CRADD: variants seen among roughly 807,000 people sequenced by gnomAD.
CRADD encodes the protein CARD and death domain containing adaptor protein, also known as death domain-containing protein CRADD.
CRADD carries 9 observed loss-of-function variants against 15.5 expected under a neutral mutation model. The ratio of observed to expected loss-of-function variants is 0.58; its 90% CI spans 0.35 to 1.01. CRADD has a LOEUF of 1.01. Ranked by LOEUF, CRADD falls within the 50% of genes least tolerant of loss-of-function variation. CRADD has a pLI of 0.02. For missense variants in CRADD, 227 were observed against 250.3 expected (o/e 0.91, Z 0.63); for synonymous variants, 118 against 107.6 (o/e 1.10, Z -0.60).
intron 2 of CRADD, among the ~76,000 whole-genome samples, chr12:93,783,594 C>A (rs1957236758): frequency 6.6e-6 from 1 of 152,148 alleles, no homozygotes; most frequent in Admixed American, 6.5e-5. Context: ...AAATGTGTGG[C>A]AACTTTCTTC....
intron 2 of CRADD, among the ~76,000 whole-genome samples, chr12:93,683,296 G>C (rs567289245): frequency 6.6e-6 from 1 of 152,364 alleles, no homozygotes; most frequent in South Asian, 2.1e-4. Context: ...GGGTCTGGGT[G>C]TCTGCCATGA....
At chr12:93,813,188 T>TTA (rs1565923894) in intron 2 of CRADD, among the ~76,000 whole-genome samples, 1 of 152,208 alleles carries the variant, frequency 6.6e-6, no homozygotes, top group Non-Finnish European at 1.5e-5. Context: ...AATTGCATTG[T>TTA]CAGAGTCCCT....
In CRADD at chr12:93,715,639, A is replaced by T. The variant is rs570946265; in HGVS notation, c.298+36567A>T. ...AATAAATAAATAGAAATTTAAAAAA[A>T]TTTTTTTCATCTTTAGCATTAATGG... On this transcript the variant is annotated intron_variant, in intron 2 of 2. Coordinates refer to ENST00000332896, the MANE Select transcript of CRADD (RefSeq NM_003805.5). Among the ~76,000 whole-genome samples the T allele has an allele frequency of 7.4e-4, 112 of 152,262 alleles. 1 individual carries two copies. Among genetic ancestry groups the T allele is most frequent in the African/African-American group, 2.4e-3 (101 of 41,546 alleles).
chr12:93,747,994 A>T (rs933084516), intron 2 of CRADD, among the ~76,000 whole-genome samples: 2 of 151,900 alleles, frequency 1.3e-5, no homozygotes, highest in East Asian at 1.9e-4. Context: ...TGGAGAAAAA[A>T]ATATATATAT....
At chr12:93,811,761 A>C (rs1017578150) in intron 2 of CRADD, among the ~76,000 whole-genome samples, 3 of 152,210 alleles carry the variant, frequency 2.0e-5, no homozygotes, top group Admixed American at 2.0e-4. Context: ...CTCTTACCAT[A>C]TGATCCAGCA....
chr12:93,750,371 C>T (rs1592958986), intron 2 of CRADD, among the ~76,000 whole-genome samples: 1 of 152,164 alleles, frequency 6.6e-6, no homozygotes, highest in Non-Finnish European at 1.5e-5. Context: ...ACCTAAGGCT[C>T]ATCTGATTCT....
intron 2 of CRADD, among the ~76,000 whole-genome samples, chr12:93,786,219 G>C (rs1957276486): frequency 6.6e-6 from 1 of 152,188 alleles, no homozygotes; most frequent in Non-Finnish European, 1.5e-5. Flanking sequence ...CTCTGCTTTA[G>C]ACTTCTGGAA....
chr12:93,842,325 A>G (rs1410598423), intron 2 of CRADD, among the ~76,000 whole-genome samples: 1 of 152,232 alleles, frequency 6.6e-6, no homozygotes, highest in African/African-American at 2.4e-5. Context: ...GCAATAAGGA[A>G]TAGGTAGGAA....
At chr12:93,888,152 G>A (rs1232122267) in intron 2 of CRADD, among the ~76,000 whole-genome samples, 7 of 152,184 alleles carry the variant, frequency 4.6e-5, no homozygotes, top group African/African-American at 1.2e-4. Context: ...CAGGCCGGGC[G>A]CGGTGGCTTA....
At chr12:93,780,426 T>G (rs1016032180) in intron 2 of CRADD, among the ~76,000 whole-genome samples, 4 of 152,170 alleles carry the variant, frequency 2.6e-5, no homozygotes, top group Non-Finnish European at 4.4e-5. Flanking sequence ...CATTTACAGA[T>G]GAGAAAACCG....
chr12:93,785,847 C>T (rs773034187), intron 2 of CRADD, among the ~76,000 whole-genome samples: 18 of 152,172 alleles, frequency 1.2e-4, no homozygotes, highest in African/African-American at 1.9e-4. Flanking sequence ...GAACAAGTCA[C>T]GTGACCCTTT....
intron 2 of CRADD, among the ~76,000 whole-genome samples, chr12:93,748,251 A>G (rs1233164047): frequency 3.3e-5 from 5 of 152,186 alleles, no homozygotes. Flanking sequence ...GCTGAGAAGC[A>G]GGGAGCCACA....
At position 93,850,371 on chromosome 12, in the gene CRADD, T is replaced by A; in HGVS notation, c.*100T>A. On this transcript the variant is annotated 3_prime_UTR_variant, in exon 3 of 3. Transcript: ENST00000332896. This position sits in a 1 kb window ranked among gnomAD's most constrained non-coding sequence, Gnocchi z 4.0. ...GTGGTTTTTTGTGTAGGTTTGTTTTTTATTTTTGATGATCTTCAGATGGAA... is the reference window on the plus strand; with the variant it reads ...GTGGTTTTTTGTGTAGGTTTGTTTTATATTTTTGATGATCTTCAGATGGAA... 6.9e-7 allele frequency: 1 copy of A among 1,444,772 alleles called. No individual in the cohort carries two copies. The highest frequency in any genetic ancestry group is 1.6e-5 in the South Asian group (1 of 61,994). 89.5% of individuals were successfully genotyped at this position (1,444,772 alleles called of 1,614,324 possible).
downstream of CRADD, among the ~76,000 whole-genome samples, chr12:93,852,072 T>C (rs1251533682): frequency 6.6e-6 from 1 of 152,258 alleles, no homozygotes; most frequent in African/African-American, 2.4e-5. Context: ...CATTATCTTA[T>C]AAAATTCTCA....
intron 2 of CRADD, among the ~76,000 whole-genome samples, chr12:93,695,324 A>G (rs974732499): frequency 2.6e-5 from 4 of 152,192 alleles, no homozygotes; most frequent in Non-Finnish European, 4.4e-5. Context: ...TGGATTAAAG[A>G]CTTAAACATA....
At chr12:93,800,244 T>C (rs1056736796) in intron 2 of CRADD, among the ~76,000 whole-genome samples, 11 of 152,102 alleles carry the variant, frequency 7.2e-5, no homozygotes, top group Non-Finnish European at 5.9e-5. Flanking sequence ...ATAGTATACG[T>C]CCCAGTCAGT....
chr12:93,867,536 G>A (rs916056334), intron 2 of CRADD, among the ~76,000 whole-genome samples: 1 of 151,584 alleles, frequency 6.6e-6, no homozygotes. Flanking sequence ...AATTCTTGAG[G>A]CATATTAGAA....
intron 2 of CRADD, among the ~76,000 whole-genome samples, chr12:93,818,223 A>G (rs543183547): frequency 1.3e-5 from 2 of 152,334 alleles, no homozygotes; most frequent in Non-Finnish European, 2.9e-5. Flanking sequence ...GAGCCAGACT[A>G]TTATCTGAAG....
intron 2 of CRADD, among the ~76,000 whole-genome samples, chr12:93,683,123 G>A (rs1039327481): frequency 5.3e-5 from 8 of 152,084 alleles, no homozygotes; most frequent in Admixed American, 2.0e-4. Flanking sequence ...GGGGCCTGTC[G>A]GCACTGACAG....
Sources: allele counts gnomAD v4.1 joint callset (sites outside exome capture counted in the v4.1 genomes callset), GRCh38; gene constraint gnomAD v4.1.1; non-coding constraint Gnocchi (gnomAD v3.1); transcripts MANE v1.5; gene names NCBI Gene and HGNC (gene_info 2026-07-23, HGNC 2026-07-21).